Variants in SIPA1L3 observed in about 807,000 individuals in gnomAD.
SIPA1L3 encodes the protein signal-induced proliferation-associated 1-like protein 3.
In SIPA1L3, 59 loss-of-function variants were observed where a neutral mutation model predicts 150.1. That is an observed-to-expected ratio of 0.39 (90% CI 0.32 to 0.49). The LOEUF is 0.49. SIPA1L3 is among the 20% of genes least tolerant of loss of function. The probability of loss-of-function intolerance (pLI) is 0.86; values close to 1 mark genes in which losing one functional copy is unlikely to be tolerated. For missense variants in SIPA1L3, 2,211 were observed against 2,489.5 expected, an observed-to-expected ratio of 0.89 and a Z score of 2.38; for synonymous variants, 1,070 against 1,077.6, an observed-to-expected ratio of 0.99 and a Z score of 0.14.
intron 1 of SIPA1L3, among the ~76,000 whole-genome samples, chr19:38,004,792 A>G (rs1359953176): frequency 6.6e-6 from 1 of 152,190 alleles, no homozygotes; most frequent in Non-Finnish European, 1.5e-5. Flanking sequence ...TGGAACCAGG[A>G]CACACATGCC....
intron 11 of SIPA1L3, 92 bp from the exon 12 acceptor site, chr19:38,142,481 C>T: frequency 7.1e-7 from 1 of 1,401,634 alleles, no homozygotes; most frequent in East Asian, 2.4e-5. Flanking sequence ...GTCTGTCCGT[C>T]TGTCCATCCA....
Position 38,164,562 on chromosome 19 carries a change from C to G in SIPA1L3, c.3864C>G (p.Phe1288Leu). ...GCAGCCACAGCGACGACCGCTGGTT[C>G]GACCCCCTGGACCCCCTGGAGCCAG... ...ASSSHSDDRW[F>L]DPLDPLEPEQ... The change falls in exon 15 of 22, where the codon TTC (phenylalanine) becomes TTG (leucine). Residue 1288 changes from phenylalanine to leucine, a missense_variant. Around this residue, in one of 5 missense-constraint regions of SIPA1L3, gnomAD observed 806 missense variants for 870.1 expected, o/e 0.93. Transcript: ENST00000222345. This position sits in a 1 kb window ranked among gnomAD's most constrained non-coding sequence, Gnocchi z 4.1. 2 of 1,614,094 alleles carry G rather than the reference C, an allele frequency of 1.2e-6. No individual in the cohort carries two copies. Among genetic ancestry groups the G allele is most frequent in the South Asian group, 1.1e-5 (1 of 91,080 alleles).
At chr19:37,987,556 CA>C (rs1967387354) in intron 1 of SIPA1L3, among the ~76,000 whole-genome samples, 1 of 152,228 alleles carries the variant, frequency 6.6e-6, no homozygotes, top group South Asian at 2.1e-4. Flanking sequence ...CAGCACCCCC[CA>C]GCGGGGATCA....
At chr19:38,055,229 G>A (rs963133847) in intron 2 of SIPA1L3, among the ~76,000 whole-genome samples, 5 of 152,176 alleles carry the variant, frequency 3.3e-5, no homozygotes, top group African/African-American at 7.2e-5. Flanking sequence ...AAGGCAACAG[G>A]TGGTCTCTTA....
intron 1 of SIPA1L3, among the ~76,000 whole-genome samples, chr19:37,928,475 G>A (rs2046525919): frequency 6.6e-6 from 1 of 152,130 alleles, no homozygotes; most frequent in Non-Finnish European, 1.5e-5. Context: ...AGAGGCTGAG[G>A]CAGGAGAATT....
chr19:37,964,822 A>G (rs1289608322), intron 1 of SIPA1L3: 1 of 152,124 alleles, frequency 6.6e-6, no homozygotes, highest in African/African-American at 2.4e-5. Context: ...ATTTCTTAAT[A>G]TCATAAAATA....
chr19:38,011,440 C>T (rs936063920), intron 1 of SIPA1L3, among the ~76,000 whole-genome samples: 1 of 152,218 alleles, frequency 6.6e-6, no homozygotes, highest in Admixed American at 6.5e-5. Flanking sequence ...TGCACCACTT[C>T]ACTCCAGCCC....
rs559277489 is a variant in SIPA1L3, at chr19:38,123,101, C to T, written c.2868+3219C>T. Among the ~76,000 whole-genome samples, 18 of 152,234 alleles carry T rather than the reference C, an allele frequency of 1.2e-4. No homozygotes were observed. The East Asian group carries it at 2.3e-3, about 20-fold the overall frequency. The stretch of plus-strand genomic sequence containing the variant: ...GCCGCAATAGTGAGGATCAAATGGG[C>T]GCCAGCTCTGCGTCAGACCCTGCTC... On this transcript the variant is annotated intron_variant, in intron 9 of 21. Transcript: ENST00000222345.
chr19:38,109,147 T>C (rs1411071122), intron 7 of SIPA1L3, among the ~76,000 whole-genome samples: 1 of 152,142 alleles, frequency 6.6e-6, no homozygotes, highest in Admixed American at 6.6e-5. Flanking sequence ...TAATGAAGAT[T>C]TACCCAAGAC....
intron 8 of SIPA1L3, among the ~76,000 whole-genome samples, chr19:38,114,515 C>T (rs1970837715): frequency 1.3e-5 from 2 of 151,938 alleles, no homozygotes; most frequent in South Asian, 4.1e-4. Context: ...GAGAGAGGGA[C>T]AGGGGAGGTC....
At chr19:38,196,615 A>G (rs868109703) in intron 18 of SIPA1L3, among the ~76,000 whole-genome samples, 162 of 134,630 alleles carry the variant, frequency 1.2e-3, no homozygotes, top group African/African-American at 4.2e-3. Flanking sequence ...GGTCAAGGGC[A>G]GAGCATGGAG....
chr19:38,132,977 C>T (rs758156393), intron 10 of SIPA1L3, among the ~76,000 whole-genome samples: 5 of 152,164 alleles, frequency 3.3e-5, no homozygotes, highest in Non-Finnish European at 4.4e-5. Context: ...TGGAAAGAAA[C>T]CAGGTCACCT....
Position 38,119,817 on chromosome 19 carries a change from C to T in SIPA1L3, c.2803C>T (p.His935Tyr). 6.2e-7 allele frequency: 1 copy of T among 1,613,614 alleles called. No individual in the cohort carries two copies. Among genetic ancestry groups the T allele is most frequent in the Non-Finnish European group, 8.5e-7 (1 of 1,180,016 alleles). The part of the protein sequence containing the change: ...TLKIFYGRGD[H>Y]IFLQATEGSV... ...CAAAATCTTCTATGGACGAGGAGAC[C>T]ACATCTTCCTACAGGCGACAGAGGG... The change falls in exon 9 of 22, where the codon CAC becomes TAC. Residue 935 changes from histidine (H) to tyrosine (Y), a missense_variant. By Grantham distance (83) the His-to-Tyr change is moderately conservative (BLOSUM62 2). Coordinates refer to ENST00000222345, the MANE Select transcript of SIPA1L3 (RefSeq NM_015073.3).
At chr19:38,039,892 G>A (rs1473032963) in intron 2 of SIPA1L3, among the ~76,000 whole-genome samples, 2 of 152,104 alleles carry the variant, frequency 1.3e-5, no homozygotes, top group African/African-American at 2.4e-5. Context: ...AGCATAGGAG[G>A]ATCGCCTGAG....
intron 1 of SIPA1L3, among the ~76,000 whole-genome samples, chr19:37,943,750 C>T (rs2046683571): frequency 6.6e-6 from 1 of 152,146 alleles, no homozygotes; most frequent in African/African-American, 2.4e-5. Flanking sequence ...TATGTGACAC[C>T]TCAGCCAGCC....
Position 38,164,386 on chromosome 19 carries a change from C to A in SIPA1L3, c.3781-93C>A. On this transcript the variant is annotated intron_variant, in intron 14 of 21. Transcript: ENST00000222345. The surrounding 1 kb of genome is among the most constrained non-coding windows in gnomAD (Gnocchi z 4.1). ...GCCAGGATTTGAAGCTGTCTGGTCC[C>A]AGGGTTCAGGCCCAGGCAGAGGGAG... 8.1e-7 allele frequency: 1 copy of A among 1,229,292 alleles called. No homozygotes were observed. 76.1% of individuals were successfully genotyped at this position (1,229,292 alleles called of 1,614,324 possible).
chr19:38,040,383 C>T (rs1437480371), intron 2 of SIPA1L3, among the ~76,000 whole-genome samples: 2 of 151,780 alleles, frequency 1.3e-5, no homozygotes, highest in Non-Finnish European at 2.9e-5. Flanking sequence ...TTTTTAATGC[C>T]CCTTTTAGGA....
chr19:38,052,935 G>A (rs1192959704), intron 2 of SIPA1L3, among the ~76,000 whole-genome samples: 1 of 152,218 alleles, frequency 6.6e-6, no homozygotes, highest in African/African-American at 2.4e-5. Context: ...ACACCGTGCC[G>A]GAGAGTTCTG....
At chr19:38,172,120 G>A (rs994932274) in intron 15 of SIPA1L3, among the ~76,000 whole-genome samples, 4 of 152,170 alleles carry the variant, frequency 2.6e-5, no homozygotes, top group Non-Finnish European at 4.4e-5. Context: ...TGCATGGGAG[G>A]ACGTGGGCCT....
Sources: allele counts gnomAD v4.1 joint callset (sites outside exome capture counted in the v4.1 genomes callset), GRCh38; gene constraint gnomAD v4.1.1; regional missense constraint gnomAD v4.1.1; non-coding constraint Gnocchi (gnomAD v3.1); transcripts MANE v1.5; gene names NCBI Gene and HGNC (gene_info 2026-07-23, HGNC 2026-07-21).